FBXL2: variants seen among roughly 807,000 people sequenced by gnomAD.
The protein encoded by FBXL2 is F-box/LRR-repeat protein 2.
Under a neutral mutation model 69.2 loss-of-function variants are expected in FBXL2, and 38 were observed. That is an observed-to-expected ratio of 0.55 (90% CI 0.42 to 0.72). FBXL2 has a LOEUF of 0.72. FBXL2 is among the 30% of genes least tolerant of loss of function. The pLI, the probability that FBXL2 is intolerant of heterozygous loss-of-function variation, is 0.00. For missense variants in FBXL2, 354 were observed against 520.3 expected (o/e 0.68, Z 3.11); for synonymous variants, 192 against 201.3 (o/e 0.95, Z 0.39).
chr3:33,305,210 A>C (rs1167763103), intron 2 of FBXL2, among the ~76,000 whole-genome samples: 1 of 151,924 alleles, frequency 6.6e-6, no homozygotes, highest in Non-Finnish European at 1.5e-5. Context: ...GAAGACAAAG[A>C]GATAGTCACA....
intron 4 of FBXL2, among the ~76,000 whole-genome samples, chr3:33,362,223 G>C (rs2041674906): frequency 6.6e-6 from 1 of 152,132 alleles, no homozygotes; most frequent in African/African-American, 2.4e-5. Flanking sequence ...CCTGAAGTTT[G>C]GGTTGGCATT....
intron 4 of FBXL2, among the ~76,000 whole-genome samples, chr3:33,362,588 A>G (rs2154042544): frequency 6.6e-6 from 1 of 152,364 alleles, no homozygotes; most frequent in African/African-American, 2.4e-5. Flanking sequence ...GAAAGTTTAT[A>G]TAAATGTTAC....
chr3:33,415,570 T>A, the FBXL2 span, among the ~76,000 whole-genome samples: 2 of 152,194 alleles, frequency 1.3e-5, no homozygotes, highest in Admixed American at 6.5e-5. Flanking sequence ...GGATTCATTG[T>A]ACCATTCTCT....
Position 33,287,029 on chromosome 3 carries a change from G to C in FBXL2, c.3+9514G>C, listed in dbSNP as rs9811643. 8.6e-3 allele frequency among the ~76,000 whole-genome samples: 1,312 copies of C among 152,164 alleles called. 20 individuals are homozygous for C. Among genetic ancestry groups the C allele is most frequent in the African/African-American group, 0.028 (1,182 of 41,528 alleles). On this transcript the variant is annotated intron_variant, in intron 1 of 14. Coordinates refer to ENST00000484457, the MANE Select transcript of FBXL2 (RefSeq NM_012157.5). ...ACCCTGCACCATGGGCTGCACCCAC[G>C]GTCCGACAAGCCCCAGTGAGATGAA...
intron 2 of FBXL2, chr3:33,297,989 G>A (rs2035898825): frequency 2.2e-6 from 1 of 451,924 alleles, no homozygotes; most frequent in African/African-American, 2.0e-5. Flanking sequence ...TCTTCAGTAG[G>A]TGCCATTGTT....
In FBXL2 at chr3:33,359,029, A is replaced by G; in HGVS notation, c.120+8A>G. 1 of 1,509,720 alleles carries G rather than the reference A, an allele frequency of 6.6e-7. No homozygotes were observed. Among genetic ancestry groups the G allele is most frequent in the South Asian group, 1.4e-5 (1 of 73,348 alleles). The allele number at this position is 1,509,720 out of a possible 1,614,324, so 93.5% of individuals were successfully genotyped here. On this transcript the variant is annotated splice_region_variant and intron_variant, in intron 3 of 14. Transcript: ENST00000484457. ...TGTGCACAGATTTCCAAGGTAGAGT[A>G]TTCACCAGATTTTTTAATCAATAAA... is the stretch of plus-strand genomic sequence containing the variant.
intron 2 of FBXL2, among the ~76,000 whole-genome samples, chr3:33,325,478 T>C (rs896792892): frequency 1.6e-4 from 24 of 152,238 alleles, no homozygotes; most frequent in African/African-American, 5.8e-4. Context: ...CATTACCTAG[T>C]TTACTTACAG....
intron 2 of FBXL2, among the ~76,000 whole-genome samples, chr3:33,327,097 T>A (rs1011031830): frequency 6.6e-5 from 10 of 152,190 alleles, no homozygotes; most frequent in Non-Finnish European, 1.2e-4. Context: ...ATATATTCTG[T>A]CTAATGTTTA....
downstream of FBXL2, chr3:33,391,181 ATG>A (rs1469439791): frequency 6.6e-6 from 1 of 152,256 alleles, no homozygotes; most frequent in African/African-American, 2.4e-5. Context: ...CATACGCAAC[ATG>A]TGAGGCGCAA....
chr3:33,307,459 T>G (rs986942744), intron 2 of FBXL2, among the ~76,000 whole-genome samples: 2 of 152,140 alleles, frequency 1.3e-5, no homozygotes, highest in African/African-American at 4.8e-5. Flanking sequence ...AATTGGATCC[T>G]GGGTCAGATT....
downstream of FBXL2, chr3:33,388,969 G>T (rs966733170): frequency 1.3e-5 from 2 of 151,958 alleles, no homozygotes; most frequent in Admixed American, 6.6e-5. Flanking sequence ...CTGGGTATAT[G>T]GACAAAGATA....
rs1426695183 is a variant in FBXL2, at chr3:33,384,209, T to C, written c.1164+8T>C. 1 of 1,613,170 alleles carries C rather than the reference T, an allele frequency of 6.2e-7. No homozygotes were observed. Among genetic ancestry groups the C allele is most frequent in the African/African-American group, 1.3e-5 (1 of 74,884 alleles). ...GGCATCAAGCGGATGCGGGTAGGTA[T>C]GGGGCAGGGGAGTCAGTCACACCTG... On this transcript the variant is annotated splice_region_variant and intron_variant, in intron 14 of 14. Coordinates refer to ENST00000484457, the MANE Select transcript of FBXL2 (RefSeq NM_012157.5).
At chr3:33,351,818 G>C (rs2040845904) in intron 2 of FBXL2, among the ~76,000 whole-genome samples, 2 of 152,036 alleles carry the variant, frequency 1.3e-5, no homozygotes, top group South Asian at 4.1e-4. Context: ...TTTTGTGGAT[G>C]TTCGTAAAAC....
chr3:33,365,981 T>A (rs1436275771), intron 5 of FBXL2, among the ~76,000 whole-genome samples: 5 of 152,200 alleles, frequency 3.3e-5, no homozygotes, highest in Non-Finnish European at 4.4e-5. Context: ...ATGCAGACAG[T>A]AGAATTTATA....
chr3:33,366,210 ATAT>A (rs2041943937), intron 5 of FBXL2, among the ~76,000 whole-genome samples: 1 of 152,110 alleles, frequency 6.6e-6, no homozygotes, highest in Admixed American at 6.5e-5. Context: ...TTTATTTTAT[ATAT>A]TATTGGATCC....
rs559667168 is a variant in FBXL2, at chr3:33,362,217, A to G, written c.196-2408A>G. Among the ~76,000 whole-genome samples, 3 of 152,194 alleles carry G rather than the reference A, an allele frequency of 2.0e-5. No individual in the cohort carries two copies. In the South Asian group the frequency reaches 6.2e-4, roughly 32 times the overall value. Reference sequence around the variant, plus strand: ...TTCCTGAATACGTGTAGTTTACCTGAAGTTTGGGTTGGCATTTTCTGTGCC... The same window carrying G: ...TTCCTGAATACGTGTAGTTTACCTGGAGTTTGGGTTGGCATTTTCTGTGCC... On this transcript the variant is annotated intron_variant, in intron 4 of 14. Coordinates refer to ENST00000484457, the MANE Select transcript of FBXL2 (RefSeq NM_012157.5).
chr3:33,297,959 T>C (rs1167736987), intron 2 of FBXL2: 1 of 556,534 alleles, frequency 1.8e-6, no homozygotes, highest in African/African-American at 1.9e-5. Context: ...CTTTTTGTAA[T>C]GTGGTAAGTA....
At chr3:33,291,443 A>G (rs538009102) in intron 1 of FBXL2, among the ~76,000 whole-genome samples, 34 of 152,334 alleles carry the variant, frequency 2.2e-4, no homozygotes, top group Middle Eastern at 3.4e-3. Flanking sequence ...TACACCAGGA[A>G]GGGTAAATAT....
intron 1 of FBXL2, among the ~76,000 whole-genome samples, chr3:33,288,317 C>A (rs561503782): frequency 6.6e-6 from 1 of 152,280 alleles, no homozygotes; most frequent in East Asian, 1.9e-4. Context: ...AGTGACTGTT[C>A]TAGTCAGTGG....
Sources: gnomAD v4.1 joint callset for allele counts (sites outside exome capture counted in the v4.1 genomes callset) on GRCh38, gnomAD v4.1.1 for gene constraint, MANE v1.5 for transcripts, NCBI Gene and HGNC (gene_info 2026-07-23, HGNC 2026-07-21) for gene names.